Variants in TNS3 observed in about 807,000 individuals in gnomAD.
TNS3 encodes tensin 3.
Under a neutral mutation model 140.9 loss-of-function variants are expected in TNS3, and 45 were observed. The observed-to-expected ratio is 0.32, with a 90% confidence interval of 0.25 to 0.41. The LOEUF (loss-of-function observed/expected upper bound fraction) is 0.41, where lower values mean the gene tolerates loss of function less well. Ranked by LOEUF, TNS3 falls within the 10% of genes least tolerant of loss-of-function variation. The pLI, the probability that TNS3 is intolerant of heterozygous loss-of-function variation, is 1.00. For missense variants in TNS3, 1,716 were observed against 1,906.7 expected, an observed-to-expected ratio of 0.90 and a Z score of 1.86; for synonymous variants, 815 against 788.4, an observed-to-expected ratio of 1.03 and a Z score of -0.56.
intron 2 of TNS3, among the ~76,000 whole-genome samples, chr7:47,512,788 C>T (rs934961707): frequency 2.0e-5 from 3 of 152,182 alleles, no homozygotes; most frequent in Non-Finnish European, 4.4e-5. Context: ...AATCATAGAA[C>T]TGATTCGGAA....
chr7:47,507,833 G>A (rs769326324), intron 2 of TNS3, among the ~76,000 whole-genome samples: 27 of 152,236 alleles, frequency 1.8e-4, no homozygotes, highest in African/African-American at 3.9e-4. Flanking sequence ...CTTCCCCCAC[G>A]TTTGCCAGCC....
chr7:47,478,116 C>G (rs1797262766), intron 4 of TNS3, among the ~76,000 whole-genome samples: 1 of 152,186 alleles, frequency 6.6e-6, no homozygotes, highest in Non-Finnish European at 1.5e-5. Flanking sequence ...GCCAAGGCCA[C>G]CCCTGACTGC....
intron 10 of TNS3, among the ~76,000 whole-genome samples, chr7:47,415,487 G>A (rs925295388): frequency 2.6e-5 from 4 of 152,166 alleles, no homozygotes; most frequent in African/African-American, 4.8e-5. Context: ...TGAACCTATC[G>A]CCAGGCAAAG....
At chr7:47,385,982 G>A (rs550154897) in intron 16 of TNS3, among the ~76,000 whole-genome samples, 1 of 152,244 alleles carries the variant, frequency 6.6e-6, no homozygotes, top group East Asian at 1.9e-4. Flanking sequence ...TATATCCCAG[G>A]TCATAAATTA....
intron 17 of TNS3, among the ~76,000 whole-genome samples, chr7:47,355,625 T>C (rs1020223341): frequency 6.6e-6 from 1 of 152,188 alleles, no homozygotes; most frequent in Non-Finnish European, 1.5e-5. Flanking sequence ...AGCCAGAAAA[T>C]GTTTTTTAAA....
chr7:47,578,563 G>C (rs971719831), intron 1 of TNS3, among the ~76,000 whole-genome samples: 7 of 152,038 alleles, frequency 4.6e-5, no homozygotes, highest in African/African-American at 1.2e-4. Context: ...GGGGGTTGGG[G>C]GGGGGCGGTG....
chr7:47,328,443 A>C (rs1440932668), intron 20 of TNS3, among the ~76,000 whole-genome samples: 1 of 152,102 alleles, frequency 6.6e-6, no homozygotes, highest in East Asian at 1.9e-4. Flanking sequence ...CAGGCCAGCC[A>C]TCACCCAAGG....
chr7:47,437,574 G>A (rs1262379072), intron 6 of TNS3, among the ~76,000 whole-genome samples: 4 of 151,420 alleles, frequency 2.6e-5, no homozygotes, highest in Non-Finnish European at 5.9e-5. Context: ...ATACAGACTT[G>A]TGTGGTCACA....
intron 4 of TNS3, among the ~76,000 whole-genome samples, chr7:47,458,839 T>C (rs1477218977): frequency 3.3e-5 from 5 of 152,218 alleles, no homozygotes; most frequent in African/African-American, 1.2e-4. Context: ...AAGTACCACC[T>C]ACTTTCATTC....
intron 2 of TNS3, among the ~76,000 whole-genome samples, chr7:47,508,164 T>G (rs1265001581): frequency 6.6e-6 from 1 of 152,140 alleles, no homozygotes; most frequent in African/African-American, 2.4e-5. Flanking sequence ...TGTGTCAAAG[T>G]CAAAAAGGTT....
At chr7:47,413,253 T>G (rs1793885076) in intron 12 of TNS3, among the ~76,000 whole-genome samples, 1 of 60,224 alleles carries the variant, frequency 1.7e-5, no homozygotes, top group Admixed American at 2.7e-4. Flanking sequence ...AGCCTGGCCT[T>G]TTTTTTTTTT....
At chr7:47,334,656 G>C (rs1788527349) in intron 20 of TNS3, among the ~76,000 whole-genome samples, 1 of 138,048 alleles carries the variant, frequency 7.2e-6, no homozygotes, top group Non-Finnish European at 1.5e-5. Context: ...TCAGGCTGCA[G>C]TACAGTGGTG....
chr7:47,536,131 T>C (rs141592023), intron 1 of TNS3, among the ~76,000 whole-genome samples: 1 of 152,332 alleles, frequency 6.6e-6, no homozygotes, highest in Non-Finnish European at 1.5e-5. Flanking sequence ...CCAACACATA[T>C]TGTTCCCACA....
At chr7:47,416,771 T>C (rs1794102195) in intron 10 of TNS3, among the ~76,000 whole-genome samples, 1 of 152,232 alleles carries the variant, frequency 6.6e-6, no homozygotes, top group South Asian at 2.1e-4. Context: ...GAATTGTATA[T>C]GTTTAATCAT....
chr7:47,558,452 T>C (rs1365659600), intron 1 of TNS3, among the ~76,000 whole-genome samples: 1 of 151,694 alleles, frequency 6.6e-6, no homozygotes, highest in East Asian at 1.9e-4. Flanking sequence ...CCCAACCCCT[T>C]TGTGTCCATC....
chr7:47,423,019 T>G (rs1286681161), intron 10 of TNS3, among the ~76,000 whole-genome samples: 1 of 151,944 alleles, frequency 6.6e-6, no homozygotes, highest in East Asian at 1.9e-4. Flanking sequence ...ACACACCCGG[T>G]TTCAAGAGAA....
intron 13 of TNS3, among the ~76,000 whole-genome samples, chr7:47,405,222 TCATC>T (rs1793378172): frequency 6.6e-6 from 1 of 152,190 alleles, no homozygotes; most frequent in Non-Finnish European, 1.5e-5. Context: ...CAGGTTCCTA[TCATC>T]CCCCAATGCC....
chr7:47,394,407 T>C (rs1432699734), intron 16 of TNS3, among the ~76,000 whole-genome samples: 1 of 152,154 alleles, frequency 6.6e-6, no homozygotes, highest in East Asian at 1.9e-4. Flanking sequence ...ATGACAGCCC[T>C]CACCAGAATC....
intron 17 of TNS3, among the ~76,000 whole-genome samples, chr7:47,367,777 C>A (rs1300406763): frequency 6.6e-6 from 1 of 152,226 alleles, no homozygotes; most frequent in African/African-American, 2.4e-5. Context: ...AGGCCTCTGC[C>A]CAGCCACTGC....
Sources: gnomAD v4.1 joint callset for allele counts (sites outside exome capture counted in the v4.1 genomes callset) on GRCh38, gnomAD v4.1.1 for gene constraint, MANE v1.5 for transcripts, NCBI Gene and HGNC (gene_info 2026-07-23, HGNC 2026-07-21) for gene names.